ARMC9: variants seen among roughly 807,000 people sequenced by gnomAD.
ARMC9 encodes the protein lisH domain-containing protein ARMC9.
ARMC9 carries 94 observed loss-of-function variants against 107.0 expected under a neutral mutation model. The observed-to-expected ratio is 0.88, with a 90% confidence interval of 0.74 to 1.04. The LOEUF (loss-of-function observed/expected upper bound fraction) is 1.04. Among genes scored for constraint, ARMC9 ranks in the 50% least tolerant of loss-of-function variants. ARMC9 has a pLI of 0.00. For missense variants in ARMC9, 942 were observed against 1,030.1 expected, an observed-to-expected ratio of 0.91 and a Z score of 1.17; for synonymous variants, 380 against 396.9, an observed-to-expected ratio of 0.96 and a Z score of 0.51.
chr2:231,291,517 A>C, intron 18 of ARMC9, 74 bp downstream of exon 18: 1 of 1,470,022 alleles, frequency 6.8e-7, no homozygotes, highest in Non-Finnish European at 9.4e-7. Flanking sequence ...ATGGCATTTC[A>C]TTCAAGAGGC....
intron 19 of ARMC9, among the ~76,000 whole-genome samples, chr2:231,329,053 C>G (rs2043541963): frequency 6.6e-6 from 1 of 151,712 alleles, no homozygotes; most frequent in Admixed American, 6.6e-5. Flanking sequence ...GATCTCCTGA[C>G]CTCATGGTCC....
At chr2:231,325,832 GC>G (rs1227718764) in intron 19 of ARMC9, among the ~76,000 whole-genome samples, 1 of 152,202 alleles carries the variant, frequency 6.6e-6, no homozygotes, top group East Asian at 1.9e-4. Flanking sequence ...CAGCGGGTCT[GC>G]TAGCACTTGG....
intron 6 of ARMC9, among the ~76,000 whole-genome samples, chr2:231,226,055 C>A (rs2034616004): frequency 6.6e-6 from 1 of 152,182 alleles, no homozygotes; most frequent in South Asian, 2.1e-4. Flanking sequence ...CAGGGTTTTG[C>A]CATGTTGGCC....
chr2:231,228,111 C>T (rs750772557), intron 7 of ARMC9, among the ~76,000 whole-genome samples: 3 of 152,198 alleles, frequency 2.0e-5, no homozygotes, highest in African/African-American at 4.8e-5. Context: ...GGCCTGGCCA[C>T]GGTGCGTCCC....
intron 19 of ARMC9, among the ~76,000 whole-genome samples, chr2:231,311,164 A>G (rs529154081): frequency 1.3e-5 from 2 of 152,324 alleles, no homozygotes; most frequent in South Asian, 2.1e-4. Context: ...AGACAGAAGC[A>G]TAGTGAAAGT....
chr2:231,272,135 T>C (rs1482277655), intron 13 of ARMC9, among the ~76,000 whole-genome samples: 1 of 152,056 alleles, frequency 6.6e-6, no homozygotes, highest in Non-Finnish European at 1.5e-5. Flanking sequence ...GAAATATCTT[T>C]TAATAAGTTT....
chr2:231,365,110 G>A (rs931482055), intron 23 of ARMC9, among the ~76,000 whole-genome samples: 1 of 152,220 alleles, frequency 6.6e-6, no homozygotes, highest in Non-Finnish European at 1.5e-5. Context: ...CCAGGAAATG[G>A]CGCTGGTCTG....
intron 17 of ARMC9, among the ~76,000 whole-genome samples, chr2:231,283,825 T>A (rs1179445035): frequency 6.6e-6 from 1 of 152,190 alleles, no homozygotes; most frequent in African/African-American, 2.4e-5. Context: ...CTCCATCTCC[T>A]AGGCTCAAGC....
At chr2:231,331,251 T>C (rs1024681521) in intron 19 of ARMC9, among the ~76,000 whole-genome samples, 3 of 152,184 alleles carry the variant, frequency 2.0e-5, no homozygotes, top group African/African-American at 7.2e-5. Context: ...TTATGTTTCT[T>C]TTATAGGTAG....
chr2:231,273,016 G>T lies in ARMC9; in HGVS notation c.1272G>T (p.Glu424Asp), dbSNP rs1213033190. Residue 424 changes from glutamate to aspartate, a missense_variant, in exon 14 of 25, where the codon GAG becomes GAT. Physicochemically the swap from Glu to Asp is conservative, Grantham distance 45. Coordinates refer to ENST00000611582, the MANE Select transcript of ARMC9 (RefSeq NM_001352754.2). Reference sequence around the variant, plus strand: ...AGATGCTGGAGGGAAGGCTGAAGGAGGAGGACAAGGATATCATCACCAGGG... The same window carrying T: ...AGATGCTGGAGGGAAGGCTGAAGGATGAGGACAAGGATATCATCACCAGGG... Reference protein sequence around the residue: ...VLQMLEGRLKEEDKDIITREN... With the variant: ...VLQMLEGRLKDEDKDIITREN... 6.2e-7 allele frequency: 1 copy of T among 1,614,020 alleles called. No individual in the cohort carries two copies. The highest frequency in any genetic ancestry group is 8.5e-7 in the Non-Finnish European group (1 of 1,179,944).
At chr2:231,288,877 A>G (rs1056477120) in intron 17 of ARMC9, among the ~76,000 whole-genome samples, 1 of 152,230 alleles carries the variant, frequency 6.6e-6, no homozygotes, top group East Asian at 1.9e-4. Flanking sequence ...CTTTAACACT[A>G]TATATACAAA....
At chr2:231,210,139 G>A (rs1301098473) in intron 3 of ARMC9, among the ~76,000 whole-genome samples, 1 of 152,260 alleles carries the variant, frequency 6.6e-6, no homozygotes, top group Admixed American at 6.5e-5. Context: ...CATGGGCGCT[G>A]TTGAGAGAGG....
intron 19 of ARMC9, among the ~76,000 whole-genome samples, chr2:231,319,730 C>T (rs1161717673): frequency 3.9e-5 from 6 of 152,204 alleles, no homozygotes. Flanking sequence ...ACTTCCCAGC[C>T]TTCGGTCTCT....
At chr2:231,198,910 A>G (rs1184756772) in intron 1 of ARMC9, 2 of 152,410 alleles carry the variant, frequency 1.3e-5, no homozygotes, top group East Asian at 3.9e-4. Flanking sequence ...CCGCCTGGAC[A>G]TCCCAAGAAA....
chr2:231,335,297 C>T (rs950677351), intron 20 of ARMC9, among the ~76,000 whole-genome samples: 1 of 152,190 alleles, frequency 6.6e-6, no homozygotes, highest in Non-Finnish European at 1.5e-5. Context: ...CCCTATACCT[C>T]CTGACCAAAT....
At chr2:231,370,921 C>T in intron 24 of ARMC9, 2 of 358,062 alleles carry the variant, frequency 5.6e-6, no homozygotes, top group Non-Finnish European at 1.1e-5. Context: ...GCCCGCCCCA[C>T]CCTACTACCT....
At chr2:231,292,007 A>G (rs1434737317) in intron 18 of ARMC9, among the ~76,000 whole-genome samples, 4 of 151,512 alleles carry the variant, frequency 2.6e-5, no homozygotes, top group Admixed American at 1.3e-4. Flanking sequence ...CGTCTCTACT[A>G]AAAATGCAAA....
chr2:231,299,372 T>C (rs192734084), intron 19 of ARMC9, among the ~76,000 whole-genome samples: 83 of 152,330 alleles, frequency 5.4e-4, no homozygotes, highest in African/African-American at 1.9e-3. Context: ...ATGTACGCCC[T>C]CTTTGCTGAC....
intron 20 of ARMC9, among the ~76,000 whole-genome samples, chr2:231,338,535 CTT>C (rs764466867): frequency 1.3e-4 from 14 of 104,798 alleles, no homozygotes; most frequent in Admixed American, 1.9e-4. Flanking sequence ...CCCCAATTCA[CTT>C]TTTTTTTTTT....
Sources: gnomAD v4.1 joint callset for allele counts (sites outside exome capture counted in the v4.1 genomes callset) on GRCh38, gnomAD v4.1.1 for gene constraint, MANE v1.5 for transcripts, NCBI Gene and HGNC (gene_info 2026-07-23, HGNC 2026-07-21) for gene names.